The following SSBP1 variants were observed in gnomAD, a reference collection of about 807,000 sequenced individuals.
SSBP1 encodes the protein single-stranded DNA-binding protein, mitochondrial.
SSBP1 carries 20 observed loss-of-function variants against 27.0 expected under a neutral mutation model. The ratio of observed to expected loss-of-function variants is 0.74; its 90% confidence interval spans 0.52 to 1.08. The LOEUF (loss-of-function observed/expected upper bound fraction) is 1.08, where lower values mean the gene tolerates loss of function less well. SSBP1 is among the 50% of genes least tolerant of loss of function. The pLI is 0.00. For synonymous variants in SSBP1, 59 were observed against 59.3 expected (o/e 1.00, Z 0.02); for missense variants, 137 against 182.4 (o/e 0.75, Z 1.44).
chr7:141,746,852 A>G (rs1016925256), intron 6 of SSBP1, among the ~76,000 whole-genome samples: 2 of 152,234 alleles, frequency 1.3e-5, no homozygotes, highest in East Asian at 3.8e-4. Flanking sequence ...TTTTAAATGT[A>G]TCAATGGAAT....
intron 3 of SSBP1, among the ~76,000 whole-genome samples, chr7:141,742,613 C>T (rs972557514): frequency 1.3e-5 from 2 of 152,040 alleles, no homozygotes; most frequent in Admixed American, 6.5e-5. Context: ...TTTAGCTCCA[C>T]AGTCAGTTAA....
intron 6 of SSBP1, among the ~76,000 whole-genome samples, chr7:141,749,416 G>T (rs1347508695): frequency 6.6e-6 from 1 of 152,158 alleles, no homozygotes; most frequent in Non-Finnish European, 1.5e-5. Flanking sequence ...TAAGAGCAAC[G>T]TCTGATATTT....
intron 6 of SSBP1, among the ~76,000 whole-genome samples, chr7:141,746,693 A>T (rs2117191317): frequency 6.6e-6 from 1 of 152,382 alleles, no homozygotes; most frequent in East Asian, 1.9e-4. Context: ...AAAGATGTAC[A>T]CGTAAAGGTT....
At chr7:141,748,543 C>T (rs1454273719) in intron 6 of SSBP1, among the ~76,000 whole-genome samples, 2 of 152,170 alleles carry the variant, frequency 1.3e-5, no homozygotes, top group African/African-American at 4.8e-5. Flanking sequence ...TAGGTATTTT[C>T]CTACCCTCCT....
intron 3 of SSBP1, 21 bp downstream of exon 3, chr7:141,742,250 T>C (rs1324342433): frequency 6.4e-7 from 1 of 1,574,514 alleles, no homozygotes; most frequent in Non-Finnish European, 8.7e-7. Flanking sequence ...AATTTCCAAG[T>C]TTAAAATGTT....
At chr7:141,738,335 C>G (rs1288694088), upstream of SSBP1, 1 of 152,270 alleles carries the variant, frequency 6.6e-6, no homozygotes, top group Admixed American at 6.5e-5. Flanking sequence ...TTCCTTTTTC[C>G]TCTGGCGAGC....
At chr7:141,748,934 T>G (rs1799876842) in intron 6 of SSBP1, among the ~76,000 whole-genome samples, 2 of 152,164 alleles carry the variant, frequency 1.3e-5, no homozygotes, top group South Asian at 4.1e-4. Flanking sequence ...AACATTCTAG[T>G]TTTTGGAAGA....
chr7:141,739,926 T>A (rs867284766), intron 2 of SSBP1: 4 of 152,228 alleles, frequency 2.6e-5, no homozygotes, highest in Non-Finnish European at 4.4e-5. Flanking sequence ...ATGTGAAACA[T>A]GAAAAAGTTA....
Position 141,743,978 on chromosome 7 carries a change from T to C in SSBP1, c.303T>C (p.Tyr101=). 6.2e-7 allele frequency: 1 copy of C among 1,612,154 alleles called. No individual in the cohort carries two copies. Among genetic ancestry groups the C allele is most frequent in the South Asian group, 1.1e-5 (1 of 90,684 alleles). The change falls in exon 5 of 7, where the codon TAT becomes TAC. Residue 101 remains tyrosine, a synonymous_variant. Transcript: ENST00000265304. ...RPGLRDVAYQ[Y]VKKGSRIYLE... ...GCCTCAGAGACGTGGCATATCAATA[T>C]GTGAAAAAGGGGTAAGTTGAAGAGG...
chr7:141,750,423 C>A lies in SSBP1; in HGVS notation c.*69C>A. 1 of 1,259,716 alleles carries A rather than the reference C, an allele frequency of 7.9e-7. No homozygotes were observed. The highest frequency in any genetic ancestry group is 1.1e-6 in the Non-Finnish European group (1 of 906,756). The allele number at this position is 1,259,716 out of a possible 1,614,324, so 78.0% of individuals were successfully genotyped here. A position where few individuals can be genotyped will look rare whatever the true frequency, so the allele number is the denominator to read the frequency against. On this transcript the variant is annotated 3_prime_UTR_variant, in exon 7 of 7. Coordinates refer to ENST00000265304, the MANE Select transcript of SSBP1 (RefSeq NM_003143.3). The stretch of plus-strand genomic sequence containing the variant: ...TCCAAGTCATGTATAATCTTTATGG[C>A]TTCCAAGGACAAGAATTAAAATACT...
Position 141,743,664 on chromosome 7 carries a change from G to A in SSBP1, c.189G>A (p.Glu63=). 6.2e-7 allele frequency: 1 copy of A among 1,614,226 alleles called. No individual in the cohort carries two copies. ...CAATATTTTCTCTAGCAACTAATGAGATGTGGCGATCAGGGGATAGTGAAG... is the reference window on the plus strand; with the variant it reads ...CAATATTTTCTCTAGCAACTAATGAAATGTGGCGATCAGGGGATAGTGAAG... ...PVTIFSLATN[E]MWRSGDSEVY... Residue 63 remains glutamate (E), a synonymous_variant, in exon 4 of 7, where the codon GAG becomes GAA. Coordinates refer to ENST00000265304, the MANE Select transcript of SSBP1 (RefSeq NM_003143.3).
rs770808600 is a variant in SSBP1 at position 141,745,596 on chromosome 7, G to A, written c.403+12G>A. Reference sequence around the variant, plus strand: ...AACAATCATAGCTGGTAAGAAGCTTGTGAAAATAGCTGTTTTTTTCTTTTT... The same window carrying A: ...AACAATCATAGCTGGTAAGAAGCTTATGAAAATAGCTGTTTTTTTCTTTTT... On this transcript the variant is annotated intron_variant, in intron 6 of 6. Transcript: ENST00000265304. 2.5e-6 allele frequency: 4 copies of A among 1,612,652 alleles called. No homozygotes were observed. The African/African-American group carries it at 5.3e-5, about 22-fold the overall frequency.
At chr7:141,745,920 G>A (rs1404555353) in intron 6 of SSBP1, 1 of 1,036,308 alleles carries the variant, frequency 9.6e-7, no homozygotes, top group Non-Finnish European at 1.2e-6. Context: ...CCAGGAAGAA[G>A]CGTATGCCAA....
chr7:141,740,697 G>C (rs183184391), intron 2 of SSBP1: 1 of 152,128 alleles, frequency 6.6e-6, no homozygotes, highest in East Asian at 1.9e-4. Context: ...TTGGACAGTC[G>C]AGTCTTTGTG....
At chr7:141,738,716 C>T (rs927976227) in intron 1 of SSBP1, 27 of 154,008 alleles carry the variant, frequency 1.8e-4, no homozygotes, top group Admixed American at 7.8e-4. Flanking sequence ...GATATAAGTC[C>T]CTTGGTGATG....
At chr7:141,738,485 G>C (rs1055035800) in intron 1 of SSBP1, 75 bp downstream of exon 1, 3 of 152,938 alleles carry the variant, frequency 2.0e-5, no homozygotes, top group Admixed American at 1.3e-4. Context: ...ATCCTGCGTG[G>C]GTCGGGAGGT....
chr7:141,745,268 A>G (rs1220544189), intron 5 of SSBP1, among the ~76,000 whole-genome samples: 1 of 152,186 alleles, frequency 6.6e-6, no homozygotes, highest in Non-Finnish European at 1.5e-5. Context: ...TCCGTAAGAG[A>G]AATAGCTGAC....
chr7:141,741,858 C>T (rs1799546189), intron 2 of SSBP1: 1 of 982,876 alleles, frequency 1.0e-6, no homozygotes, highest in East Asian at 4.9e-5. Flanking sequence ...TTTGATTTTT[C>T]CTTTTGTGTG....
intron 1 of SSBP1, 121 bp from the exon 2 acceptor site, chr7:141,739,003 G>C: frequency 1.9e-6 from 1 of 527,160 alleles, no homozygotes; most frequent in Non-Finnish European, 3.3e-6. Flanking sequence ...ATGTTGGTAC[G>C]TTGTGGTCAC....
Sources: gnomAD v4.1 joint callset for allele counts (sites outside exome capture counted in the v4.1 genomes callset) on GRCh38, gnomAD v4.1.1 for gene constraint, MANE v1.5 for transcripts, NCBI Gene and HGNC (gene_info 2026-07-23, HGNC 2026-07-21) for gene names.